The following RSBN1 variants were observed in gnomAD, a reference collection of about 807,000 sequenced individuals.
RSBN1 encodes the protein lysine-specific demethylase 9.
Under a neutral mutation model 74.8 loss-of-function variants are expected in RSBN1, and 23 were observed. The observed-to-expected ratio is 0.31, with a 90% CI of 0.22 to 0.44. The LOEUF is 0.44. Among genes scored for constraint, RSBN1 ranks in the 20% least tolerant of loss-of-function variants. The probability of loss-of-function intolerance (pLI) is 1.00; values close to 1 mark genes in which losing one functional copy is unlikely to be tolerated. For synonymous variants in RSBN1, 407 were observed against 379.6 expected, an observed-to-expected ratio of 1.07 and a Z score of -0.84; for missense variants, 808 against 1,020.9, an observed-to-expected ratio of 0.79 and a Z score of 2.84.
chr1:113,799,204 C>G (rs1660531168), intron 1 of RSBN1, among the ~76,000 whole-genome samples: 1 of 152,126 alleles, frequency 6.6e-6, no homozygotes, highest in South Asian at 2.1e-4. Flanking sequence ...TACACAATCC[C>G]CAATCTCTTG....
rs1412609602 is a variant in RSBN1 at position 113,764,841 on chromosome 1, T to C, written c.*1139A>G. 2.6e-5 allele frequency: 4 copies of C among 151,750 alleles called. No homozygotes were observed. Among genetic ancestry groups the C allele is most frequent in the Admixed American group, 2.6e-4 (4 of 15,180 alleles). 9.4% of individuals were successfully genotyped at this position (151,750 alleles called of 1,614,324 possible). A position where few individuals can be genotyped will look rare whatever the true frequency, so the allele number is the denominator to read the frequency against. ...CTAAAATAACAGAAAGTTAGGACCA[T>C]ACTAGCAATGTGAACTGTGCCTGTT... On this transcript the variant is annotated 3_prime_UTR_variant, in exon 7 of 7. Transcript: ENST00000261441.
At chr1:113,788,298 A>T (rs940818181) in intron 2 of RSBN1, among the ~76,000 whole-genome samples, 6 of 152,130 alleles carry the variant, frequency 3.9e-5, no homozygotes, top group Non-Finnish European at 5.9e-5. Context: ...AAGAAAATTA[A>T]CAAGTAATAC....
intron 2 of RSBN1, among the ~76,000 whole-genome samples, chr1:113,790,939 T>A (rs1449737107): frequency 6.6e-6 from 1 of 152,166 alleles, no homozygotes; most frequent in African/African-American, 2.4e-5. Flanking sequence ...CAACCCCAAA[T>A]TATTCTTAGG....
chr1:113,811,455 GA>G lies in RSBN1; in HGVS notation c.703+254del, dbSNP rs766623376. 8.0e-4 allele frequency among the ~76,000 whole-genome samples: 122 copies of G among 152,294 alleles called. 1 individual carries two copies. Among genetic ancestry groups the G allele is most frequent in the Admixed American group, 3.1e-3 (47 of 15,300 alleles). ...GCGGCGCGGAAACCTTGCAGAATTT[GA>G]AAACAAATGCTGAGAGGCTCCGGGG... On this transcript the variant is annotated intron_variant, in intron 1 of 6. Transcript: ENST00000261441.
rs1337343380 is a variant in RSBN1, at chr1:113,766,188, G to A, written c.2201C>T (p.Ser734Phe). 1 of 1,614,026 alleles carries A rather than the reference G, an allele frequency of 6.2e-7. No homozygotes were observed. Among genetic ancestry groups the A allele is most frequent in the South Asian group, 1.1e-5 (1 of 91,078 alleles). Residue 734 changes from serine (S) to phenylalanine (F), a missense_variant, in exon 7 of 7, where the codon TCC becomes TTC. Transcript: ENST00000261441. ...TTCAGTTTTTATCCTCACACATTGG[G>A]AGTCAACTTCTAATTCTCGCTTTCC... ...LTGKRELEVD[S>F]QCVRIKTESE...
intron 4 of RSBN1, among the ~76,000 whole-genome samples, chr1:113,773,028 T>C (rs1034455115): frequency 7.3e-5 from 11 of 151,578 alleles, no homozygotes; most frequent in Non-Finnish European, 1.6e-4. Context: ...CAAAAACTTC[T>C]GTAAGTAAAG....
chr1:113,777,009 A>G (rs141473474), intron 4 of RSBN1, among the ~76,000 whole-genome samples: 1 of 152,228 alleles, frequency 6.6e-6, no homozygotes, highest in Non-Finnish European at 1.5e-5. Context: ...AGGTTTTTAA[A>G]AAATAAGTAA....
chr1:113,768,432 A>C (rs1043846657), intron 4 of RSBN1, 43 bp from the exon 5 acceptor site: 2 of 1,486,248 alleles, frequency 1.3e-6, no homozygotes, highest in African/African-American at 1.4e-5. Context: ...AGCAAGGAAG[A>C]AAGAGACCAA....
At position 113,797,917 on chromosome 1, in the gene RSBN1, T is replaced by G. The variant is rs1660505367; in HGVS notation, c.823A>C (p.Asn275His). The change falls in exon 2 of 7, where the codon AAT becomes CAT. Residue 275 changes from asparagine (N) to histidine (H), a missense_variant. By Grantham distance (68) the Asn-to-His change is moderately conservative. This residue lies in a region of RSBN1 where 464 missense variants were observed against 401.0 expected (regional missense o/e 1.16). Coordinates refer to ENST00000261441, the MANE Select transcript of RSBN1 (RefSeq NM_018364.5). The part of the protein sequence containing the change: ...DMRGRRLKMY[N>H]KEVQTVCAGL... Reference sequence around the variant, plus strand: ...GCACAGACGGTTTGTACTTCCTTATTGTACATTTTAAGGCGTCTTCCTCGC... The same window carrying G: ...GCACAGACGGTTTGTACTTCCTTATGGTACATTTTAAGGCGTCTTCCTCGC... 4 of 1,614,040 alleles carry G rather than the reference T, an allele frequency of 2.5e-6. No homozygotes were observed. Among genetic ancestry groups the G allele is most frequent in the Non-Finnish European group, 2.5e-6 (3 of 1,179,946 alleles).
At position 113,797,744 on chromosome 1, in the gene RSBN1, T is replaced by G. The variant is rs1380799632; in HGVS notation, c.996A>C (p.Gly332=). The change falls in exon 2 of 7, where the codon GGA becomes GGC. Residue 332 remains glycine (G), a synonymous_variant. Transcript: ENST00000261441. The part of the protein sequence containing the change: ...LGMQEYRVPQ[G]VQTPFMTHQE... ...GGTGAGTCATAAAAGGTGTTTGTAC[T>G]CCCTGGGGTACCCGATATTCTTGCA... 2 of 1,614,040 alleles carry G rather than the reference T, an allele frequency of 1.2e-6. No homozygotes were observed. Among genetic ancestry groups the G allele is most frequent in the Non-Finnish European group, 1.7e-6 (2 of 1,180,008 alleles).
chr1:113,766,521 C>A, intron 6 of RSBN1, 68 bp from the exon 7 acceptor site: 2 of 998,382 alleles, frequency 2.0e-6, no homozygotes, highest in Non-Finnish European at 3.0e-6. Flanking sequence ...AAATAATTAG[C>A]AAAGGAAAAC....
chr1:113,780,441 A>G (rs1290118865), intron 2 of RSBN1, among the ~76,000 whole-genome samples: 1 of 152,258 alleles, frequency 6.6e-6, no homozygotes, highest in African/African-American at 2.4e-5. Flanking sequence ...CTTGAAGACA[A>G]CTTAGAAAGG....
At chr1:113,796,416 A>C (rs1660473472) in intron 2 of RSBN1, 2 of 152,172 alleles carry the variant, frequency 1.3e-5, no homozygotes, top group Admixed American at 1.3e-4. Context: ...AAGTTAGAGG[A>C]GGTTTCAAAT....
intron 2 of RSBN1, among the ~76,000 whole-genome samples, chr1:113,787,166 T>A (rs1414306278): frequency 6.6e-6 from 1 of 152,182 alleles, no homozygotes; most frequent in African/African-American, 2.4e-5. Flanking sequence ...TCCTCTTTTG[T>A]GTGATCATGT....
chr1:113,774,221 G>T (rs1307706597), intron 4 of RSBN1, among the ~76,000 whole-genome samples: 4 of 152,110 alleles, frequency 2.6e-5, no homozygotes, highest in African/African-American at 9.7e-5. Context: ...ACGCAATGTG[G>T]AACTGGAAAG....
chr1:113,794,398 T>C (rs900559133), intron 2 of RSBN1, among the ~76,000 whole-genome samples: 1 of 152,184 alleles, frequency 6.6e-6, no homozygotes. Context: ...CAATTATCTT[T>C]AGGAAAAAGT....
rs397933458 is a variant in RSBN1 at position 113,764,630 on chromosome 1, T to TG, written c.*1349dup. 1 of 150,452 alleles carries TG rather than the reference T, an allele frequency of 6.6e-6. No homozygotes were observed. Among genetic ancestry groups the TG allele is most frequent in the South Asian group, 2.1e-4 (1 of 4,790 alleles). The allele number at this position is 150,452 out of a possible 1,614,324, so 9.3% of individuals were successfully genotyped here. A position where few individuals can be genotyped will look rare whatever the true frequency, so the allele number is the denominator to read the frequency against. ...AGCATCTTGTATTTTTTTTTTTTTTTGCCTATGTTAATGTAAATATTTCAA... is the reference window on the plus strand; with the variant it reads ...AGCATCTTGTATTTTTTTTTTTTTTTGGCCTATGTTAATGTAAATATTTCAA... On this transcript the variant is annotated 3_prime_UTR_variant, in exon 7 of 7. Transcript: ENST00000261441.
At chr1:113,806,187 T>C (rs1660696558) in intron 1 of RSBN1, among the ~76,000 whole-genome samples, 1 of 151,788 alleles carries the variant, frequency 6.6e-6, no homozygotes, top group South Asian at 2.1e-4. Context: ...AATACAAAAT[T>C]AGCTGGGTGT....
chr1:113,785,101 T>C (rs1660212167), intron 2 of RSBN1, among the ~76,000 whole-genome samples: 1 of 151,876 alleles, frequency 6.6e-6, no homozygotes, highest in Non-Finnish European at 1.5e-5. Flanking sequence ...GTCCTTATTC[T>C]GTAAGGTATT....
Sources: gnomAD v4.1 joint callset for allele counts (sites outside exome capture counted in the v4.1 genomes callset) on GRCh38, gnomAD v4.1.1 for gene constraint, gnomAD v4.1.1 regional missense constraint, MANE v1.5 for transcripts, NCBI Gene and HGNC (gene_info 2026-07-23, HGNC 2026-07-21) for gene names.